TMPRSS6: variants seen among roughly 807,000 people sequenced by gnomAD.
The protein encoded by TMPRSS6 is transmembrane protease serine 6.
A neutral mutation model predicts 101.5 loss-of-function variants in TMPRSS6; 67 were observed. The observed-to-expected ratio is 0.66, with a 90% confidence interval of 0.54 to 0.81. TMPRSS6 has a LOEUF of 0.81. Ranked by LOEUF, TMPRSS6 falls within the 30% of genes least tolerant of loss-of-function variation. The pLI is 0.00. For missense variants in TMPRSS6, 1,034 were observed against 1,088.7 expected, an observed-to-expected ratio of 0.95 and a Z score of 0.71; for synonymous variants, 453 against 464.9, an observed-to-expected ratio of 0.97 and a Z score of 0.33.
At chr22:37,089,543 A>C (rs1158776888) in intron 7 of TMPRSS6, 35 bp downstream of exon 7, 76 of 1,328,816 alleles carry the variant, frequency 5.7e-5, no homozygotes, top group East Asian at 1.2e-4. Context: ...TCCCTTTTCC[A>C]GCCCTCCCTC....
rs1929798141 is a variant in TMPRSS6, at chr22:37,096,726, G to A, written c.337-11C>T. On this transcript the variant is annotated splice_polypyrimidine_tract_variant and intron_variant, in intron 3 of 17. Transcript: ENST00000676104. ...GATGAGCTCCTTGAGCTGTGAGAAGGGAAGACAACAGCCCCTGGGACCCTC... is the reference window on the plus strand; with the variant it reads ...GATGAGCTCCTTGAGCTGTGAGAAGAGAAGACAACAGCCCCTGGGACCCTC... The A allele has an allele frequency of 6.4e-7, 1 of 1,560,256 alleles. No homozygotes were observed. Among genetic ancestry groups the A allele is most frequent in the Non-Finnish European group, 8.7e-7 (1 of 1,151,222 alleles).
chr22:37,103,895 G>T lies in TMPRSS6; in HGVS notation c.-1-477C>A, dbSNP rs553291387. 1.3e-5 allele frequency among the ~76,000 whole-genome samples: 2 copies of T among 152,110 alleles called. No individual in the cohort carries two copies. Among genetic ancestry groups the T allele is most frequent in the Non-Finnish European group, 2.9e-5 (2 of 68,022 alleles). Reference sequence around the variant, plus strand: ...CACGCCCACACAGTCCATGCACTTAGCCCCCGCCCCAGAATCCCCTGAGCT... The same window carrying T: ...CACGCCCACACAGTCCATGCACTTATCCCCCGCCCCAGAATCCCCTGAGCT... On this transcript the variant is annotated intron_variant, in intron 1 of 17. Coordinates refer to ENST00000676104, the MANE Select transcript of TMPRSS6 (RefSeq NM_001374504.1). This position sits in a 1 kb window ranked among gnomAD's most constrained non-coding sequence, Gnocchi z 4.4.
intron 10 of TMPRSS6, chr22:37,080,018 T>A (rs967752492): frequency 5.3e-5 from 8 of 151,552 alleles, no homozygotes; most frequent in Non-Finnish European, 1.2e-4. Context: ...TGGGAGTGAG[T>A]GGAAATGGTG....
intron 1 of TMPRSS6, among the ~76,000 whole-genome samples, chr22:37,104,699 G>A (rs182733150): frequency 9.4e-4 from 143 of 152,200 alleles, no homozygotes; most frequent in African/African-American, 3.3e-3. Flanking sequence ...CGTGGCTCAC[G>A]CCTGTAATCC....
In TMPRSS6 at chr22:37,066,037, CTG is replaced by C. The variant is rs1568992063; in HGVS notation, c.*41_*42del. On this transcript the variant is annotated 3_prime_UTR_variant, in exon 18 of 18. Coordinates refer to ENST00000676104, the MANE Select transcript of TMPRSS6 (RefSeq NM_001374504.1). The stretch of plus-strand genomic sequence containing the variant: ...CTGCTTGGCAGTTGCCCTGGGCTCT[CTG>C]AGTCCAGGAGGTGGGCCCTGCTTTG... 6.2e-7 allele frequency: 1 copy of C among 1,612,248 alleles called. No homozygotes were observed. Among genetic ancestry groups the C allele is most frequent in the Admixed American group, 1.7e-5 (1 of 60,018 alleles).
intron 10 of TMPRSS6, among the ~76,000 whole-genome samples, chr22:37,076,031 A>G (rs1927638051): frequency 7.3e-6 from 1 of 136,724 alleles, no homozygotes; most frequent in Non-Finnish European, 1.5e-5. Flanking sequence ...AGAGAAAGAG[A>G]AAGAAAGAAA....
Position 37,103,190 on chromosome 22 carries a change from TC to T in TMPRSS6, c.202+25del, listed in dbSNP as rs1424173468. 1 of 1,612,774 alleles carries T rather than the reference TC, an allele frequency of 6.2e-7. No homozygotes were observed. The highest frequency in any genetic ancestry group is 8.5e-7 in the Non-Finnish European group (1 of 1,179,558). ...TCACCCCAAGTCCTCCCCAGGTGCC[TC>T]TCCCAGGCGGTCCCACAACGTTACC... On this transcript the variant is annotated intron_variant, in intron 2 of 17. Coordinates refer to ENST00000676104, the MANE Select transcript of TMPRSS6 (RefSeq NM_001374504.1). The surrounding 1 kb of genome is among the most constrained non-coding windows in gnomAD (Gnocchi z 4.4).
intron 17 of TMPRSS6, 81 bp from the exon 18 acceptor site, chr22:37,066,319 C>T: frequency 7.2e-7 from 1 of 1,384,426 alleles, no homozygotes; most frequent in African/African-American, 1.4e-5. Context: ...GGATTAAGTC[C>T]TGACTGTTGG....
intron 10 of TMPRSS6, among the ~76,000 whole-genome samples, chr22:37,078,973 A>AAAAGAAAGAAGGAAAGAAAG (rs1928006892): frequency 9.4e-6 from 1 of 106,510 alleles, no homozygotes; most frequent in Non-Finnish European, 1.9e-5. Flanking sequence ...GAAAGAAAGA[A>AAAAGAAAGAAGGAAAGAAAG]AAAGAAAGAA....
intron 10 of TMPRSS6, among the ~76,000 whole-genome samples, chr22:37,077,823 T>C (rs1391740679): frequency 6.6e-6 from 1 of 152,272 alleles, no homozygotes; most frequent in Non-Finnish European, 1.5e-5. Flanking sequence ...GCTGCAAGTA[T>C]AGATCTATAA....
intron 7 of TMPRSS6, 50 bp from the exon 8 acceptor site, chr22:37,086,469 T>C (rs1601548896): frequency 7.1e-7 from 1 of 1,416,996 alleles, no homozygotes; most frequent in African/African-American, 1.5e-5. Flanking sequence ...GGGAGGGGAG[T>C]GGCAGGGAGG....
intron 1 of TMPRSS6, among the ~76,000 whole-genome samples, chr22:37,104,443 A>T (rs183363238): frequency 6.6e-6 from 1 of 152,314 alleles, no homozygotes; most frequent in Admixed American, 6.5e-5. Context: ...TAATTAACAA[A>T]TCATGATTAA....
intron 6 of TMPRSS6, among the ~76,000 whole-genome samples, chr22:37,091,271 G>A (rs868493427): frequency 6.6e-6 from 1 of 152,216 alleles, no homozygotes; most frequent in Admixed American, 6.5e-5. Flanking sequence ...AACCTGGGAT[G>A]TGGGAGGCAG....
intron 3 of TMPRSS6, among the ~76,000 whole-genome samples, chr22:37,097,436 G>T (rs1253763879): frequency 1.3e-5 from 2 of 152,272 alleles, no homozygotes; most frequent in Admixed American, 6.5e-5. Flanking sequence ...ATCTCTGGGA[G>T]ACAGCCTGGA....
intron 10 of TMPRSS6, chr22:37,079,964 C>G (rs1011832588): frequency 6.6e-6 from 1 of 152,308 alleles, no homozygotes; most frequent in African/African-American, 2.4e-5. Context: ...GGGGGTGGCT[C>G]CAGCTGGCCT....
chr22:37,089,057 C>T (rs1483477299), intron 7 of TMPRSS6, among the ~76,000 whole-genome samples: 1 of 152,192 alleles, frequency 6.6e-6, no homozygotes, highest in Non-Finnish European at 1.5e-5. Flanking sequence ...GCAGTACCAC[C>T]TACATCATTC....
intron 10 of TMPRSS6, among the ~76,000 whole-genome samples, chr22:37,076,817 C>T (rs1303916806): frequency 6.6e-6 from 1 of 152,158 alleles, no homozygotes; most frequent in Admixed American, 6.5e-5. Context: ...ACTCAGGGTG[C>T]AGGTTGAAAA....
Position 37,065,977 on chromosome 22 carries a change from T to A in TMPRSS6, c.*103A>T. On this transcript the variant is annotated 3_prime_UTR_variant, in exon 18 of 18. Transcript: ENST00000676104. ...CACCTCCTGCCACCACAGGGCCTGC[T>A]CTCTCCCCCACCCCCCGCCAGAATA... 6.7e-7 allele frequency: 1 copy of A among 1,500,856 alleles called. No homozygotes were observed. The highest frequency in any genetic ancestry group is 9.2e-7 in the Non-Finnish European group (1 of 1,085,684). 93.0% of individuals were successfully genotyped at this position (1,500,856 alleles called of 1,614,324 possible). A position where few individuals can be genotyped will look rare whatever the true frequency, so the allele number is the denominator to read the frequency against.
At chr22:37,104,617 T>C (rs1930596888) in intron 1 of TMPRSS6, among the ~76,000 whole-genome samples, 1 of 152,174 alleles carries the variant, frequency 6.6e-6, no homozygotes, top group Non-Finnish European at 1.5e-5. Context: ...TCCAGACTAC[T>C]GCGAAGTTCA....
Sources: gnomAD v4.1 joint callset for allele counts (sites outside exome capture counted in the v4.1 genomes callset) on GRCh38, gnomAD v4.1.1 for gene constraint, Gnocchi (gnomAD v3.1) non-coding constraint, MANE v1.5 for transcripts, NCBI Gene and HGNC (gene_info 2026-07-23, HGNC 2026-07-21) for gene names.